TJP2: variants seen among roughly 807,000 people sequenced by gnomAD.
TJP2 encodes the protein Friedreich ataxia region gene X104 (tight junction protein ZO-2).
Under a neutral mutation model 133.1 loss-of-function variants are expected in TJP2, and 91 were observed. The observed-to-expected ratio is 0.68, with a 90% CI of 0.58 to 0.81. TJP2 has a LOEUF of 0.81. Ranked by LOEUF, TJP2 falls within the 40% of genes least tolerant of loss-of-function variation. The pLI, the probability that TJP2 is intolerant of heterozygous loss-of-function variation, is 0.00. For synonymous variants in TJP2, 592 were observed against 583.4 expected (o/e 1.01, Z -0.21); for missense variants, 1,541 against 1,565.6 (o/e 0.98, Z 0.26).
intron 1 of TJP2, among the ~76,000 whole-genome samples, chr9:69,185,063 CT>C (rs10699607): frequency 1.3e-3 from 177 of 132,462 alleles, no homozygotes; most frequent in Admixed American, 1.9e-3. Flanking sequence ...AGACTGATTT[CT>C]TTTTTTTTTT....
intron 1 of TJP2, among the ~76,000 whole-genome samples, chr9:69,137,580 T>C (rs1283720326): frequency 6.6e-6 from 1 of 151,960 alleles, no homozygotes; most frequent in East Asian, 1.9e-4. Flanking sequence ...CCCAGGCTGG[T>C]CTCGAACTCC....
At chr9:69,137,295 CTTTCT>C (rs58232602) in intron 1 of TJP2, among the ~76,000 whole-genome samples, 89 of 69,466 alleles carry the variant, frequency 1.3e-3, no homozygotes, top group African/African-American at 1.7e-3. Context: ...TTCTTTCTTT[CTTTCT>C]TTTCTTTTCT....
chr9:69,231,377 C>T lies in TJP2; in HGVS notation c.1671+1145C>T, dbSNP rs59854318. 2.2e-3 allele frequency among the ~76,000 whole-genome samples: 337 copies of T among 152,224 alleles called. 1 individual carries two copies. The highest frequency in any genetic ancestry group is 6.9e-3 in the African/African-American group (285 of 41,540). ...CCTCCCAAAGTGCTGGGATTACAGG[C>T]GTGAGCCACTGCGCCCGGCTGGGAA... On this transcript the variant is annotated intron_variant, in intron 11 of 22. Coordinates refer to ENST00000377245, the MANE Select transcript of TJP2 (RefSeq NM_004817.4).
At chr9:69,236,374 G>A (rs754364953) in intron 13 of TJP2, 136 bp downstream of exon 13, 50 of 900,278 alleles carry the variant, frequency 5.6e-5, no homozygotes, top group Non-Finnish European at 7.0e-5. Context: ...TCTTGTTTAT[G>A]GAGAGTGGCC....
chr9:69,122,780 CCGTAGGGAGG>C (rs1352396008), intron 1 of TJP2, among the ~76,000 whole-genome samples: 3 of 152,166 alleles, frequency 2.0e-5, no homozygotes, highest in African/African-American at 7.2e-5. Context: ...TGGGCGAGTT[CCGTAGGGAGG>C]CCTCCGCAGG....
At chr9:69,130,965 C>T (rs1284353171) in intron 1 of TJP2, among the ~76,000 whole-genome samples, 1 of 146,328 alleles carries the variant, frequency 6.8e-6, no homozygotes, top group Admixed American at 6.7e-5. Flanking sequence ...GGCCTTTCCA[C>T]CATTCTTTCA....
At chr9:69,133,726 T>C (rs770152104) in intron 1 of TJP2, among the ~76,000 whole-genome samples, 5 of 151,814 alleles carry the variant, frequency 3.3e-5, no homozygotes, top group Non-Finnish European at 7.4e-5. Context: ...AAGTTTTATA[T>C]TTTTAGTACA....
chr9:69,124,766 T>C (rs1188868331), intron 1 of TJP2, among the ~76,000 whole-genome samples: 1 of 77,332 alleles, frequency 1.3e-5, no homozygotes, highest in Non-Finnish European at 3.0e-5. Flanking sequence ...TATGTTCTCT[T>C]CTGAACAATA....
intron 22 of TJP2, 109 bp from the exon 23 acceptor site, chr9:69,254,100 A>T: frequency 7.9e-7 from 1 of 1,263,928 alleles, no homozygotes; most frequent in Non-Finnish European, 1.2e-6. Context: ...GCTCAGAGGT[A>T]AGTGATCTGC....
rs975868765 is a variant in TJP2, at chr9:69,246,893, C to G, written c.2667+103C>G. 17 of 1,009,784 alleles carry G rather than the reference C, an allele frequency of 1.7e-5. No homozygotes were observed. In the Middle Eastern group the frequency reaches 6.2e-4, roughly 37 times the overall value. 62.6% of individuals were successfully genotyped at this position (1,009,784 alleles called of 1,614,324 possible). Reference sequence around the variant, plus strand: ...CAAGCCATGCCCATTTGAAGTGATGCTCACATGTGTGCTAATCAAGTTTGA... The same window carrying G: ...CAAGCCATGCCCATTTGAAGTGATGGTCACATGTGTGCTAATCAAGTTTGA... On this transcript the variant is annotated intron_variant, in intron 18 of 22. Transcript: ENST00000377245.
intron 2 of TJP2, among the ~76,000 whole-genome samples, chr9:69,215,399 T>TTTG (rs1563918686): frequency 6.6e-6 from 1 of 151,654 alleles, no homozygotes; most frequent in Non-Finnish European, 1.5e-5. Flanking sequence ...GGTTTTTTTT[T>TTTG]TTTGTTTTTT....
At chr9:69,178,973 C>CT (rs1208778203) in intron 1 of TJP2, among the ~76,000 whole-genome samples, 2 of 36,084 alleles carry the variant, frequency 5.5e-5, no homozygotes, top group Admixed American at 3.1e-4. Flanking sequence ...GTTTTTTTTT[C>CT]TTATTTTTTT....
chr9:69,224,021 T>G (rs906275731), intron 5 of TJP2, among the ~76,000 whole-genome samples: 1 of 152,240 alleles, frequency 6.6e-6, no homozygotes, highest in Non-Finnish European at 1.5e-5. Flanking sequence ...TGTGAACAGT[T>G]ATTCTTAAAA....
intron 14 of TJP2, 109 bp downstream of exon 14, chr9:69,237,245 C>A: frequency 2.3e-6 from 3 of 1,315,586 alleles, no homozygotes; most frequent in Non-Finnish European, 3.3e-6. Context: ...TCAGTTATGC[C>A]AAAGGCAGTT....
At chr9:69,232,305 T>A (rs150851388) in intron 11 of TJP2, among the ~76,000 whole-genome samples, 2 of 152,170 alleles carry the variant, frequency 1.3e-5, no homozygotes, top group African/African-American at 2.4e-5. Context: ...AAAGATTGAG[T>A]TTGCCTACGA....
At chr9:69,189,452 CA>C (rs1331905839) in intron 1 of TJP2, among the ~76,000 whole-genome samples, 2 of 152,094 alleles carry the variant, frequency 1.3e-5, no homozygotes, top group African/African-American at 4.8e-5. Context: ...GTAACATTTT[CA>C]GATTCACTGA....
rs79765339 is a variant in TJP2, at chr9:69,239,349, A to T, written c.2355+560A>T. On this transcript the variant is annotated intron_variant, in intron 16 of 22. Transcript: ENST00000377245. ...ATATAATGTAAATGCAAACCATTTC[A>T]CTGTGTGGAAACCAGTCACTGTTAC... Among the ~76,000 whole-genome samples, 215 of 152,140 alleles carry T rather than the reference A, an allele frequency of 1.4e-3. 1 individual carries two copies. The highest frequency in any genetic ancestry group is 4.9e-3 in the African/African-American group (205 of 41,510).
At position 69,221,496 on chromosome 9, in the gene TJP2, G is replaced by A; in HGVS notation, c.952G>A (p.Glu318Lys). ...CCTGATGAAAAGCAGAGCGAACGAA[G>A]GTAGGCATGCTTGATGTGGGAAGAA... Reference protein sequence around the residue: ...VLLMKSRANEEYGLRLGSQIF... With the variant: ...VLLMKSRANEKYGLRLGSQIF... Residue 318 changes from glutamate to lysine, a missense_variant and splice_region_variant, in exon 5 of 23, where the codon GAG becomes AAG. By Grantham distance (56) the Glu-to-Lys change is moderately conservative (BLOSUM62 1). Transcript: ENST00000377245. 1.2e-6 allele frequency: 2 copies of A among 1,603,108 alleles called. No homozygotes were observed. The highest frequency in any genetic ancestry group is 2.2e-5 in the East Asian group (1 of 44,556).
At chr9:69,253,991 T>C (rs1365148779) in intron 22 of TJP2, 21 of 598,096 alleles carry the variant, frequency 3.5e-5, no homozygotes, top group South Asian at 5.5e-5. Context: ...AGGGAGCACC[T>C]GGCTGGCTTC....
Sources: allele counts gnomAD v4.1 joint callset (sites outside exome capture counted in the v4.1 genomes callset), GRCh38; gene constraint gnomAD v4.1.1; transcripts MANE v1.5; gene names NCBI Gene and HGNC (gene_info 2026-07-23, HGNC 2026-07-21).